Variants in SPOPL observed in about 807,000 individuals in gnomAD.
SPOPL encodes speckle type BTB/POZ protein like, also known as speckle-type POZ protein-like.
SPOPL carries 23 observed loss-of-function variants against 53.8 expected under a neutral mutation model. That is an observed-to-expected ratio of 0.43 (90% CI 0.31 to 0.61). The LOEUF is 0.61. SPOPL is among the 20% of genes least tolerant of loss of function. SPOPL has a pLI of 0.12. For missense variants in SPOPL, 442 were observed against 466.9 expected (o/e 0.95, Z 0.49); for synonymous variants, 164 against 149.7 (o/e 1.10, Z -0.70).
Position 138,570,821 on chromosome 2 carries a change from A to C in SPOPL, c.*1741A>C, listed in dbSNP as rs960074154. On this transcript the variant is annotated 3_prime_UTR_variant, in exon 11 of 11. Transcript: ENST00000280098. ...CAGATTCATTTGGATTCATATTTAC[A>C]TTGAAAAAACTCAACTAAGCATTTG... 6.6e-6 allele frequency: 1 copy of C among 152,186 alleles called. No individual in the cohort carries two copies. Among genetic ancestry groups the C allele is most frequent in the Non-Finnish European group, 1.5e-5 (1 of 68,018 alleles). The allele number at this position is 152,186 out of a possible 1,614,324, so 9.4% of individuals were successfully genotyped here. A position where few individuals can be genotyped will look rare whatever the true frequency, so the allele number is the denominator to read the frequency against.
intron 5 of SPOPL, among the ~76,000 whole-genome samples, chr2:138,557,186 A>G (rs1030149401): frequency 2.6e-5 from 4 of 152,122 alleles, no homozygotes; most frequent in Non-Finnish European, 5.9e-5. Flanking sequence ...CTGGAGATTT[A>G]GGTCTAGTCT....
intron 8 of SPOPL, among the ~76,000 whole-genome samples, chr2:138,561,840 T>A (rs1685555813): frequency 6.6e-6 from 1 of 152,088 alleles, no homozygotes. Context: ...TAGTACCCAA[T>A]AATAGGTAAG....
intron 7 of SPOPL, among the ~76,000 whole-genome samples, chr2:138,560,138 G>T (rs892532604): frequency 4.6e-5 from 7 of 152,102 alleles, no homozygotes; most frequent in Admixed American, 4.6e-4. Flanking sequence ...ACAAAAACAC[G>T]CAGTAAAAAA....
At chr2:138,562,283 T>C (rs1049774667) in intron 8 of SPOPL, among the ~76,000 whole-genome samples, 9 of 151,984 alleles carry the variant, frequency 5.9e-5, no homozygotes, top group Non-Finnish European at 1.3e-4. Context: ...ACTATAAAGC[T>C]TTAGAAATTA....
chr2:138,556,825 T>A (rs1477800407), intron 5 of SPOPL, among the ~76,000 whole-genome samples: 1 of 152,170 alleles, frequency 6.6e-6, no homozygotes, highest in African/African-American at 2.4e-5. Context: ...TACTAATTTT[T>A]AAAAATATCA....
chr2:138,518,500 C>T lies in SPOPL; in HGVS notation c.-61+16381C>T, dbSNP rs548490390. 3.3e-5 allele frequency among the ~76,000 whole-genome samples: 5 copies of T among 152,168 alleles called. No individual in the cohort carries two copies. In the South Asian group the frequency reaches 8.3e-4, roughly 25 times the overall value. On this transcript the variant is annotated intron_variant, in intron 1 of 10. Coordinates refer to ENST00000280098, the MANE Select transcript of SPOPL (RefSeq NM_001001664.3). The stretch of plus-strand genomic sequence containing the variant: ...AGTAACTTGTTCAAGAGTATAAAAC[C>T]TAAGTTTCTTTAATTTACAAAGTTT...
In SPOPL at chr2:138,573,135, A is replaced by G. The variant is rs1240423294; in HGVS notation, c.*4055A>G. 6.6e-6 allele frequency: 1 copy of G among 152,166 alleles called. No individual in the cohort carries two copies. The highest frequency in any genetic ancestry group is 6.5e-5 in the Admixed American group (1 of 15,272). 9.4% of individuals were successfully genotyped at this position (152,166 alleles called of 1,614,324 possible). ...GCCTCGTTTTTAATTAGCTGATGTT[A>G]ATGATAAGATACATAATACATGTAT... On this transcript the variant is annotated 3_prime_UTR_variant, in exon 11 of 11. Transcript: ENST00000280098.
At chr2:138,554,597 C>A in intron 5 of SPOPL, 1 of 1,086,308 alleles carries the variant, frequency 9.2e-7, no homozygotes. Context: ...AAGTTCCCTA[C>A]AGTGGTTAAA....
At chr2:138,524,792 C>T (rs1364806599) in intron 1 of SPOPL, among the ~76,000 whole-genome samples, 3 of 152,186 alleles carry the variant, frequency 2.0e-5, no homozygotes, top group African/African-American at 7.2e-5. Flanking sequence ...TTTCATTGTC[C>T]ATATCATTAT....
At position 138,569,295 on chromosome 2, in the gene SPOPL, A is replaced by G. The variant is rs371989535; in HGVS notation, c.*215A>G. The G allele has an allele frequency of 6.1e-6, 3 of 493,376 alleles. No individual in the cohort carries two copies. Among genetic ancestry groups the G allele is most frequent in the Non-Finnish European group, 1.1e-5 (3 of 280,858 alleles). The allele number at this position is 493,376 out of a possible 1,614,324, so 30.6% of individuals were successfully genotyped here. A position where few individuals can be genotyped will look rare whatever the true frequency, so the allele number is the denominator to read the frequency against. ...TTAATTCACTTCAAGGCCTTAAATT[A>G]TCTTCAATGACTTGTCTTGTTCATA... On this transcript the variant is annotated 3_prime_UTR_variant, in exon 11 of 11. Coordinates refer to ENST00000280098, the MANE Select transcript of SPOPL (RefSeq NM_001001664.3).
At chr2:138,528,356 C>G (rs1280298774) in intron 1 of SPOPL, among the ~76,000 whole-genome samples, 1 of 152,208 alleles carries the variant, frequency 6.6e-6, no homozygotes, top group Non-Finnish European at 1.5e-5. Context: ...TGGATACTTA[C>G]AGTACCCTGG....
chr2:138,516,894 T>A (rs1003998867), intron 1 of SPOPL, among the ~76,000 whole-genome samples: 2 of 152,248 alleles, frequency 1.3e-5, no homozygotes, highest in African/African-American at 2.4e-5. Flanking sequence ...AGTATTTACC[T>A]CCTTGACCTT....
At position 138,537,951 on chromosome 2, in the gene SPOPL, T is replaced by C. The variant is rs1028968492; in HGVS notation, c.-60-12206T>C. Among the ~76,000 whole-genome samples, 10 of 152,264 alleles carry C rather than the reference T, an allele frequency of 6.6e-5. No homozygotes were observed. The East Asian group carries it at 1.9e-3, about 29-fold the overall frequency. On this transcript the variant is annotated intron_variant, in intron 1 of 10. Coordinates refer to ENST00000280098, the MANE Select transcript of SPOPL (RefSeq NM_001001664.3). ...TCATTAGTGGTTCAGTCTCTGCTGG[T>C]TATGGGGGTCTGTTCACATTTTCGG...
intron 1 of SPOPL, among the ~76,000 whole-genome samples, chr2:138,523,974 C>T (rs1684614132): frequency 6.6e-6 from 1 of 152,178 alleles, no homozygotes; most frequent in South Asian, 2.1e-4. Context: ...AGAGGTGACC[C>T]AGTAGGATTC....
chr2:138,511,392 T>G (rs1684320338), intron 1 of SPOPL, among the ~76,000 whole-genome samples: 2 of 152,214 alleles, frequency 1.3e-5, no homozygotes, highest in South Asian at 4.1e-4. Context: ...CTGACAGCTT[T>G]CTACAGTGTA....
At chr2:138,509,460 A>G (rs1684282794) in intron 1 of SPOPL, among the ~76,000 whole-genome samples, 2 of 152,204 alleles carry the variant, frequency 1.3e-5, no homozygotes, top group Admixed American at 1.3e-4. Context: ...ATATAATGTT[A>G]TATTTATTGA....
At chr2:138,514,771 A>G (rs891498167) in intron 1 of SPOPL, among the ~76,000 whole-genome samples, 1 of 152,166 alleles carries the variant, frequency 6.6e-6, no homozygotes, top group Admixed American at 6.5e-5. Context: ...CAGTTTTAGT[A>G]TAACCCAGTG....
intron 5 of SPOPL, among the ~76,000 whole-genome samples, chr2:138,555,414 C>T (rs953122349): frequency 6.6e-6 from 1 of 151,746 alleles, no homozygotes; most frequent in Non-Finnish European, 1.5e-5. Flanking sequence ...TCTAAAAAGC[C>T]CTTTCTTGGC....
At chr2:138,553,699 T>C (rs1340194888) in intron 5 of SPOPL, among the ~76,000 whole-genome samples, 1 of 152,126 alleles carries the variant, frequency 6.6e-6, no homozygotes, top group Non-Finnish European at 1.5e-5. Context: ...AATTGCATCT[T>C]ATTTTTTACT....
Sources: gnomAD v4.1 joint callset for allele counts (sites outside exome capture counted in the v4.1 genomes callset) on GRCh38, gnomAD v4.1.1 for gene constraint, MANE v1.5 for transcripts, NCBI Gene and HGNC (gene_info 2026-07-23, HGNC 2026-07-21) for gene names.